The following SCUBE1 variants were observed in gnomAD, a reference collection of about 807,000 sequenced individuals.
SCUBE1 encodes signal peptide, CUB domain and EGF like domain containing 1, also known as signal peptide, CUB and EGF-like domain-containing protein 1.
SCUBE1 carries 59 observed loss-of-function variants against 124.4 expected under a neutral mutation model. That is an observed-to-expected ratio of 0.47 (90% CI 0.38 to 0.59). The LOEUF (loss-of-function observed/expected upper bound fraction) is 0.59. Ranked by LOEUF, SCUBE1 falls within the 20% of genes least tolerant of loss-of-function variation. The probability of loss-of-function intolerance (pLI) is 0.00; values close to 1 mark genes in which losing one functional copy is unlikely to be tolerated. For synonymous variants in SCUBE1, 545 were observed against 550.9 expected (o/e 0.99, Z 0.15); for missense variants, 1,150 against 1,371.2 (o/e 0.84, Z 2.55).
At chr22:43,206,190 A>C (rs1391424905) in intron 21 of SCUBE1, among the ~76,000 whole-genome samples, 19 of 40,176 alleles carry the variant, frequency 4.7e-4, no homozygotes, top group South Asian at 2.6e-3. Flanking sequence ...CCACACCCCC[A>C]CTCACTACAC....
At chr22:43,223,545 C>T (rs534625614) in intron 10 of SCUBE1, among the ~76,000 whole-genome samples, 56 of 152,274 alleles carry the variant, frequency 3.7e-4, no homozygotes, top group South Asian at 1.4e-3. Context: ...AAAGGAACGG[C>T]GCTAAATGAA....
At chr22:43,312,216 GAAGA>G (rs1926195095) in intron 3 of SCUBE1, among the ~76,000 whole-genome samples, 1 of 152,228 alleles carries the variant, frequency 6.6e-6, no homozygotes, top group Non-Finnish European at 1.5e-5. Context: ...TAGGTTCCAA[GAAGA>G]AAGACAGAAA....
At chr22:43,244,355 C>G (rs1268131078) in intron 6 of SCUBE1, among the ~76,000 whole-genome samples, 4 of 152,230 alleles carry the variant, frequency 2.6e-5, no homozygotes, top group African/African-American at 9.6e-5. Flanking sequence ...CTCCCACTGA[C>G]CACACGCTAT....
At chr22:43,293,037 G>T (rs1925425875) in intron 3 of SCUBE1, among the ~76,000 whole-genome samples, 1 of 152,156 alleles carries the variant, frequency 6.6e-6, no homozygotes, top group African/African-American at 2.4e-5. Flanking sequence ...GCCTTGCTTA[G>T]GACCCCCTAG....
intron 4 of SCUBE1, among the ~76,000 whole-genome samples, chr22:43,263,049 C>T (rs1038452484): frequency 2.0e-5 from 3 of 152,226 alleles, no homozygotes; most frequent in Non-Finnish European, 4.4e-5. Flanking sequence ...AGGGAGAAAG[C>T]AAGGGCACGG....
chr22:43,203,994 C>CG lies in SCUBE1; in HGVS notation c.*2dup, dbSNP rs1215598321. ...CACCCCCAGGCAGGGCCGCTCCCCCCGGTTATTTGTAGGGCCGCAGGAACC... is the reference window on the plus strand; with the variant it reads ...CACCCCCAGGCAGGGCCGCTCCCCCCGGGTTATTTGTAGGGCCGCAGGAACC... On this transcript the variant is annotated 3_prime_UTR_variant, in exon 22 of 22. Transcript: ENST00000360835. 1.9e-6 allele frequency: 3 copies of CG among 1,613,960 alleles called. No individual in the cohort carries two copies. Among genetic ancestry groups the CG allele is most frequent in the Admixed American group, 3.3e-5 (2 of 60,014 alleles).
intron 3 of SCUBE1, among the ~76,000 whole-genome samples, chr22:43,297,845 G>A (rs1925621335): frequency 6.6e-6 from 1 of 152,214 alleles, no homozygotes; most frequent in South Asian, 2.1e-4. Flanking sequence ...TTGAAACAGA[G>A]ACTCCGTGTT....
chr22:43,295,795 C>T (rs113698784), intron 3 of SCUBE1, among the ~76,000 whole-genome samples: 1 of 152,264 alleles, frequency 6.6e-6, no homozygotes, highest in African/African-American at 2.4e-5. Flanking sequence ...CAAGCACCTA[C>T]TCTGTGCCAC....
At chr22:43,236,717 TC>T (rs1255257659) in intron 7 of SCUBE1, among the ~76,000 whole-genome samples, 1 of 151,716 alleles carries the variant, frequency 6.6e-6, no homozygotes, top group Non-Finnish European at 1.5e-5. Context: ...CCCTCAGCCC[TC>T]CCCGGCCTCC....
chr22:43,238,873 C>G lies in SCUBE1; in HGVS notation c.809G>C (p.Gly270Ala), dbSNP rs1479461957. The change falls in exon 7 of 22, where the codon GGA becomes GCA. Residue 270 changes from glycine to alanine, a missense_variant. By Grantham distance (60) the Gly-to-Ala change is moderately conservative. This residue lies in a region of SCUBE1 where 337 missense variants were observed against 482.1 expected (regional missense o/e 0.70). Transcript: ENST00000360835. ...CTTCCCGTCCGGCTGCAGTGTGAAT[C>G]CAACGGGGCAGCTGCATCGCACGCC... is the stretch of plus-strand genomic sequence containing the variant. ...ATGVRCSCPV[G>A]FTLQPDGKTC... 1 of 1,613,166 alleles carries G rather than the reference C, an allele frequency of 6.2e-7. No homozygotes were observed. Among genetic ancestry groups the G allele is most frequent in the African/African-American group, 1.3e-5 (1 of 74,940 alleles).
intron 3 of SCUBE1, among the ~76,000 whole-genome samples, chr22:43,292,394 A>G (rs1234591847): frequency 1.3e-5 from 2 of 152,170 alleles, no homozygotes; most frequent in Non-Finnish European, 2.9e-5. Flanking sequence ...GCGTGTTTCA[A>G]TTACCAGAGT....
Position 43,210,077 on chromosome 22 carries a change from A to G in SCUBE1, c.2547T>C (p.Asp849=). The change falls in exon 19 of 22, where the codon GAT becomes GAC. Residue 849 remains aspartate (D), a synonymous_variant. Coordinates refer to ENST00000360835, the MANE Select transcript of SCUBE1 (RefSeq NM_173050.5). The surrounding 1 kb of genome is among the most constrained non-coding windows in gnomAD (Gnocchi z 4.5). ...VVPEIFLPIE[D]ECGDVLVMRK... ...TCATGACCAGAACATCGCCGCACTC[A>G]TCCTCGATGGGCAGGAAGATCTCAG... 1 of 1,612,438 alleles carries G rather than the reference A, an allele frequency of 6.2e-7. No individual in the cohort carries two copies. Among genetic ancestry groups the G allele is most frequent in the Non-Finnish European group, 8.5e-7 (1 of 1,179,444 alleles).
chr22:43,220,968 G>A (rs1299513282), intron 13 of SCUBE1, among the ~76,000 whole-genome samples: 6 of 152,148 alleles, frequency 3.9e-5, no homozygotes, highest in East Asian at 1.9e-4. Context: ...GCCTTCCTCC[G>A]GGGCCCCTCG....
At chr22:43,212,637 A>G (rs1459612081) in intron 16 of SCUBE1, 45 bp from the exon 17 acceptor site, 4 of 1,505,976 alleles carry the variant, frequency 2.7e-6, no homozygotes, top group African/African-American at 1.4e-5. Context: ...AGGGCACCGC[A>G]GGGCCGAGGC....
intron 4 of SCUBE1, among the ~76,000 whole-genome samples, chr22:43,271,153 T>A (rs148791086): frequency 5.3e-5 from 8 of 152,268 alleles, no homozygotes; most frequent in African/African-American, 1.9e-4. Context: ...GCCCTCCTTG[T>A]TTCCACCCTC....
rs112224317 is a variant in SCUBE1 at position 43,207,004 on chromosome 22, C to T, written c.2814+530G>A. Among the ~76,000 whole-genome samples, 511 of 152,236 alleles carry T rather than the reference C, an allele frequency of 3.4e-3. 7 individuals carry two copies. The highest frequency in any genetic ancestry group is 0.012 in the African/African-American group (482 of 41,538). On this transcript the variant is annotated intron_variant, in intron 21 of 21. Transcript: ENST00000360835. ...AGCCCTGCCCTTGTCCTCCACACCC[C>T]GGGGCTCCTGGGCTGACAGTGCTGC...
At chr22:43,226,602 G>A (rs1325194018) in intron 10 of SCUBE1, among the ~76,000 whole-genome samples, 1 of 149,898 alleles carries the variant, frequency 6.7e-6, no homozygotes, top group East Asian at 2.0e-4. Flanking sequence ...AGTCAAAGGA[G>A]GAGTTACCGG....
intron 6 of SCUBE1, among the ~76,000 whole-genome samples, chr22:43,244,199 C>T (rs989473198): frequency 6.6e-6 from 1 of 152,184 alleles, no homozygotes; most frequent in African/African-American, 2.4e-5. Flanking sequence ...CACGGTTCCT[C>T]AGGGTTCCAC....
At position 43,207,575 on chromosome 22, in the gene SCUBE1, C is replaced by T; in HGVS notation, c.2773G>A (p.Gly925Arg). The T allele has an allele frequency of 6.2e-7, 1 of 1,614,138 alleles. No individual in the cohort carries two copies. The highest frequency in any genetic ancestry group is 8.5e-7 in the Non-Finnish European group (1 of 1,180,008). The change falls in exon 21 of 22, where the codon GGG (glycine) becomes AGG (arginine). Residue 925 changes from glycine to arginine, a missense_variant. Coordinates refer to ENST00000360835, the MANE Select transcript of SCUBE1 (RefSeq NM_173050.5). ...QQLIEDIVRD[G>R]RLYASENHQE... ...TGGTTCTCCGAGGCGTACAGGCGCC[C>T]ATCGCGCACGATGTCCTCTATGAGT...
Sources: gnomAD v4.1 joint callset for allele counts (sites outside exome capture counted in the v4.1 genomes callset) on GRCh38, gnomAD v4.1.1 for gene constraint, gnomAD v4.1.1 regional missense constraint, Gnocchi (gnomAD v3.1) non-coding constraint, MANE v1.5 for transcripts, NCBI Gene and HGNC (gene_info 2026-07-23, HGNC 2026-07-21) for gene names.